Variants in RALGAPB observed in about 807,000 individuals in gnomAD.
The protein encoded by RALGAPB is ral GTPase-activating protein subunit beta.
RALGAPB carries 25 observed loss-of-function variants against 161.1 expected under a neutral mutation model. That is an observed-to-expected ratio of 0.16 (90% CI 0.11 to 0.22). The LOEUF (loss-of-function observed/expected upper bound fraction) is 0.22, where lower values mean the gene tolerates loss of function less well. Ranked by LOEUF, RALGAPB falls within the 10% of genes least tolerant of loss-of-function variation. The pLI, the probability that RALGAPB is intolerant of heterozygous loss-of-function variation, is 1.00. For synonymous variants in RALGAPB, 629 were observed against 626.1 expected, an observed-to-expected ratio of 1.00 and a Z score of -0.07; for missense variants, 1,391 against 1,815.2, an observed-to-expected ratio of 0.77 and a Z score of 4.25.
intron 16 of RALGAPB, among the ~76,000 whole-genome samples, 157 bp from the exon 17 acceptor site, chr20:38,539,619 C>A (rs1380415460): frequency 1.3e-5 from 2 of 152,170 alleles, no homozygotes; most frequent in South Asian, 2.1e-4. Context: ...TACAATACAT[C>A]TGAAATAATC....
Position 38,493,024 on chromosome 20 carries a change from T to TTATG in RALGAPB, c.282_285dup (p.Ala96TyrfsTer16). 1 of 1,611,300 alleles carries TTATG rather than the reference T, an allele frequency of 6.2e-7. No homozygotes were observed. Among genetic ancestry groups the TTATG allele is most frequent in the Non-Finnish European group, 8.5e-7 (1 of 1,177,578 alleles). On this transcript the variant is annotated frameshift_variant, in exon 3 of 30. Transcript: ENST00000262879. LOFTEE classifies it high-confidence loss of function. ...TGCGTTGATGTATATACAGACTGGA[T>TTATG]TATGGCTTTAGTGTTGCCAAAAGAT... is the stretch of plus-strand genomic sequence containing the variant.
chr20:38,518,077 C>T, intron 9 of RALGAPB, 77 bp downstream of exon 9: 1 of 1,330,764 alleles, frequency 7.5e-7, no homozygotes, highest in Admixed American at 1.8e-5. Flanking sequence ...TTCCTACCTG[C>T]AAGATTAATA....
intron 5 of RALGAPB, among the ~76,000 whole-genome samples, chr20:38,503,717 A>T (rs2085664769): frequency 6.6e-6 from 1 of 152,252 alleles, no homozygotes; most frequent in South Asian, 2.1e-4. Flanking sequence ...TTTTGAAAGA[A>T]GTTCTACTAT....
intron 6 of RALGAPB, 22 bp downstream of exon 6, chr20:38,509,230 A>G (rs757504954): frequency 5.0e-6 from 8 of 1,606,780 alleles, no homozygotes; most frequent in African/African-American, 1.3e-5. Context: ...TTATTATTTC[A>G]TGTGCCATTT....
At position 38,493,148 on chromosome 20, in the gene RALGAPB, C is replaced by A; in HGVS notation, c.389+16C>A. ...TTGTACCAAGGTAAGCTATACCTGT[C>A]TATCTGGCCCATTATCAGGGTCATA... On this transcript the variant is annotated intron_variant, in intron 3 of 29. Coordinates refer to ENST00000262879, the MANE Select transcript of RALGAPB (RefSeq NM_020336.4). 6.4e-7 allele frequency: 1 copy of A among 1,555,732 alleles called. No individual in the cohort carries two copies. The highest frequency in any genetic ancestry group is 1.1e-5 in the South Asian group (1 of 89,418).
intron 6 of RALGAPB, 84 bp from the exon 7 acceptor site, chr20:38,516,108 T>A: frequency 2.8e-6 from 3 of 1,072,618 alleles, no homozygotes; most frequent in Non-Finnish European, 4.0e-6. Context: ...ATAGGCACAG[T>A]CCTATTCTTA....
chr20:38,523,535 G>A (rs2086360373), intron 10 of RALGAPB, among the ~76,000 whole-genome samples: 1 of 152,206 alleles, frequency 6.6e-6, no homozygotes, highest in Non-Finnish European at 1.5e-5. Flanking sequence ...TGAATTTGAA[G>A]TGCCTATGGG....
chr20:38,551,969 C>A (rs1468549664), intron 21 of RALGAPB, among the ~76,000 whole-genome samples: 1 of 151,832 alleles, frequency 6.6e-6, no homozygotes, highest in Non-Finnish European at 1.5e-5. Context: ...ATTTAGGTGA[C>A]CTTTGAGAAC....
chr20:38,510,626 T>TAAAGTCTGGAGTC (rs1413061102), intron 6 of RALGAPB, among the ~76,000 whole-genome samples: 1 of 144,558 alleles, frequency 6.9e-6, no homozygotes, highest in African/African-American at 2.9e-5. Context: ...AAATCTTTTA[T>TAAAGTCTGGAGTC]AGGGCCGGGC....
Position 38,577,479 on chromosome 20 carries a change from A to G in RALGAPB, c.*2512A>G, listed in dbSNP as rs2088479267. 2 of 152,136 alleles carry G rather than the reference A, an allele frequency of 1.3e-5. No homozygotes were observed. The highest frequency in any genetic ancestry group is 1.3e-4 in the Admixed American group (2 of 15,274). The allele number at this position is 152,136 out of a possible 1,614,324, so 9.4% of individuals were successfully genotyped here. A position where few individuals can be genotyped will look rare whatever the true frequency, so the allele number is the denominator to read the frequency against. ...TATGCCGGGGGTGGATGAGTGTGGCATTCCGTGAAGAGGAAGGTGGTAAGT... is the reference window on the plus strand; with the variant it reads ...TATGCCGGGGGTGGATGAGTGTGGCGTTCCGTGAAGAGGAAGGTGGTAAGT... On this transcript the variant is annotated 3_prime_UTR_variant, in exon 30 of 30. Coordinates refer to ENST00000262879, the MANE Select transcript of RALGAPB (RefSeq NM_020336.4).
intron 2 of RALGAPB, 52 bp from the exon 3 acceptor site, chr20:38,492,878 T>C (rs2085318597): frequency 1.4e-6 from 2 of 1,430,924 alleles, no homozygotes; most frequent in South Asian, 2.4e-5. Flanking sequence ...TAAATCAGTC[T>C]ACTGAGATAG....
At chr20:38,567,652 T>A (rs1448792397) in intron 26 of RALGAPB, among the ~76,000 whole-genome samples, 3 of 152,220 alleles carry the variant, frequency 2.0e-5, no homozygotes, top group Non-Finnish European at 4.4e-5. Context: ...ATAAATATTC[T>A]GAGTGAGGAA....
At chr20:38,479,485 C>A (rs1338069447) in intron 1 of RALGAPB, among the ~76,000 whole-genome samples, 1 of 152,152 alleles carries the variant, frequency 6.6e-6, no homozygotes, top group African/African-American at 2.4e-5. Context: ...GTCATTTAGA[C>A]CAAACTTGCA....
chr20:38,548,314 G>T (rs924671060), intron 19 of RALGAPB, among the ~76,000 whole-genome samples: 4 of 152,208 alleles, frequency 2.6e-5, no homozygotes, highest in Non-Finnish European at 5.9e-5. Context: ...GGGAGGTTAA[G>T]AGTATTTACT....
intron 26 of RALGAPB, 184 bp from the exon 27 acceptor site, chr20:38,569,704 C>T: frequency 1.8e-6 from 1 of 560,946 alleles, no homozygotes. Context: ...TAGGTTAAGA[C>T]TGATGAACAG....
Position 38,539,837 on chromosome 20 carries a change from T to C in RALGAPB, c.2441T>C (p.Ile814Thr). The part of the protein sequence containing the change: ...KRAISSVCTY[I>T]VYQCSRPAPL... ...GCCATCAGTTCTGTGTGCACCTACA[T>C]TGTTTATCAGTGTAGTCGGCCAGCT... Residue 814 changes from isoleucine to threonine, a missense_variant, in exon 17 of 30, where the codon ATT becomes ACT. Ile to Thr is a moderately conservative substitution (Grantham distance 89, BLOSUM62 -1). This residue lies in a region of RALGAPB where 946 missense variants were observed against 1,257.2 expected (regional missense o/e 0.75). Transcript: ENST00000262879. 1 of 1,614,060 alleles carries C rather than the reference T, an allele frequency of 6.2e-7. No homozygotes were observed. The highest frequency in any genetic ancestry group is 8.5e-7 in the Non-Finnish European group (1 of 1,179,952).
chr20:38,537,551 G>A (rs1037100040), intron 16 of RALGAPB, among the ~76,000 whole-genome samples: 30 of 152,134 alleles, frequency 2.0e-4, no homozygotes, highest in African/African-American at 6.3e-4. Flanking sequence ...TAGGTGTTAC[G>A]CTAGAAGAAC....
chr20:38,517,359 A>G, intron 7 of RALGAPB, 147 bp from the exon 8 acceptor site: 1 of 661,598 alleles, frequency 1.5e-6, no homozygotes, highest in Non-Finnish European at 2.3e-6. Flanking sequence ...CTCAGGAAGA[A>G]ATAGTGAGTA....
chr20:38,549,745 G>A (rs1224954760), intron 20 of RALGAPB, among the ~76,000 whole-genome samples: 1 of 151,834 alleles, frequency 6.6e-6, no homozygotes, highest in East Asian at 1.9e-4. Flanking sequence ...ACTATCCAGA[G>A]GAATATAACC....
Sources: allele counts gnomAD v4.1 joint callset (sites outside exome capture counted in the v4.1 genomes callset), GRCh38; gene constraint gnomAD v4.1.1; regional missense constraint gnomAD v4.1.1; transcripts MANE v1.5; gene names NCBI Gene and HGNC (gene_info 2026-07-23, HGNC 2026-07-21).